The following PKD2 variants were observed in gnomAD, a reference collection of about 807,000 sequenced individuals.
PKD2 encodes polycystin 2, transient receptor potential cation channel.
PKD2 carries 48 observed loss-of-function variants against 105.9 expected under a neutral mutation model. The observed-to-expected ratio is 0.45, with a 90% CI of 0.36 to 0.58. PKD2 has a LOEUF of 0.58. Ranked by LOEUF, PKD2 falls within the 20% of genes least tolerant of loss-of-function variation. PKD2 has a pLI of 0.00. For missense variants in PKD2, 1,078 were observed against 1,255.3 expected, an observed-to-expected ratio of 0.86 and a Z score of 2.13; for synonymous variants, 464 against 481.1, an observed-to-expected ratio of 0.96 and a Z score of 0.46.
At chr4:88,057,509 C>G (rs1375944666) in intron 8 of PKD2, among the ~76,000 whole-genome samples, 7 of 148,248 alleles carry the variant, frequency 4.7e-5, no homozygotes, top group Non-Finnish European at 1.5e-5. Context: ...AATCTCAGCT[C>G]ACTGCAACCT....
chr4:88,075,856 C>G lies in PKD2; in HGVS notation c.*162C>G, dbSNP rs1456050782. 1.5e-6 allele frequency: 1 copy of G among 684,868 alleles called. No homozygotes were observed. Among genetic ancestry groups the G allele is most frequent in the Admixed American group, 2.3e-5 (1 of 43,124 alleles). 42.4% of individuals were successfully genotyped at this position (684,868 alleles called of 1,614,324 possible). ...TTAATTTATTTTATATAAACTTTAC[C>G]CATGGTTCAAAGATTTTTTTTTCTT... is the stretch of plus-strand genomic sequence containing the variant. On this transcript the variant is annotated 3_prime_UTR_variant, in exon 15 of 15. Coordinates refer to ENST00000237596, the MANE Select transcript of PKD2 (RefSeq NM_000297.4).
At chr4:88,016,155 C>G (rs1726552328) in intron 1 of PKD2, among the ~76,000 whole-genome samples, 1 of 152,202 alleles carries the variant, frequency 6.6e-6, no homozygotes, top group African/African-American at 2.4e-5. Flanking sequence ...GCCTGCGGCT[C>G]ACCTCCTGCT....
chr4:88,038,081 C>T (rs542252617), intron 3 of PKD2, among the ~76,000 whole-genome samples, 170 bp from the exon 4 acceptor site: 241 of 152,298 alleles, frequency 1.6e-3, no homozygotes, highest in African/African-American at 5.5e-3. Flanking sequence ...TCATAGCTAA[C>T]AAATGATGGG....
At chr4:88,048,430 G>T (rs1357127392) in intron 6 of PKD2, among the ~76,000 whole-genome samples, 1 of 152,010 alleles carries the variant, frequency 6.6e-6, no homozygotes, top group Non-Finnish European at 1.5e-5. Flanking sequence ...GCATAAAAAA[G>T]AACTACATGG....
intron 1 of PKD2, among the ~76,000 whole-genome samples, chr4:88,016,533 T>C (rs975947376): frequency 1.3e-5 from 2 of 152,212 alleles, no homozygotes; most frequent in African/African-American, 4.8e-5. Context: ...TAGATGCAAC[T>C]ATTTCTCACC....
Position 88,065,816 on chromosome 4 carries a change from T to A in PKD2, c.2295T>A (p.Asp765Glu). Residue 765 changes from aspartate (D) to glutamate (E), a missense_variant, in exon 12 of 15, where the codon GAT becomes GAA. Around this residue, in one of 2 missense-constraint regions of PKD2, gnomAD observed 868 missense variants for 1,067.3 expected, o/e 0.81. Transcript: ENST00000237596. ...CAATATTCACAAAGTACGACCAAGA[T>A]GGAGACCAAGAACTGACCGAACATG... is the stretch of plus-strand genomic sequence containing the variant. The part of the protein sequence containing the change: ...IEAIFTKYDQ[D>E]GDQELTEHEH... 6.2e-7 allele frequency: 1 copy of A among 1,613,872 alleles called. No individual in the cohort carries two copies. Among genetic ancestry groups the A allele is most frequent in the Non-Finnish European group, 8.5e-7 (1 of 1,179,786 alleles).
intron 5 of PKD2, 125 bp from the exon 6 acceptor site, chr4:88,046,517 T>TA: frequency 1.4e-6 from 1 of 726,618 alleles, no homozygotes; most frequent in South Asian, 1.4e-5. Context: ...GCCGCTAGTT[T>TA]GGGGGGACTC....
chr4:88,017,062 G>T (rs540666676), intron 1 of PKD2, among the ~76,000 whole-genome samples: 1 of 151,566 alleles, frequency 6.6e-6, no homozygotes, highest in Non-Finnish European at 1.5e-5. Context: ...GCAGTGGCAT[G>T]CCTGTAATCC....
At chr4:88,062,139 A>G (rs1720599166) in intron 10 of PKD2, 135 bp downstream of exon 10, 2 of 619,332 alleles carry the variant, frequency 3.2e-6, no homozygotes, top group Non-Finnish European at 3.0e-6. Context: ...TTTCAGGAAT[A>G]ATTTAAATGT....
At chr4:88,054,201 C>T (rs941582361) in intron 7 of PKD2, among the ~76,000 whole-genome samples, 20 of 151,532 alleles carry the variant, frequency 1.3e-4, no homozygotes, top group African/African-American at 4.9e-4. Flanking sequence ...TGAGACCAGC[C>T]TGGCCAACAT....
rs1727321244 is a variant in PKD2 at position 88,036,129 on chromosome 4, T to C, written c.710-91T>C. ...TGTGTGAATTTGTCCAAAATGTTTA[T>C]CCACAGGAACAATCCCTTTGTGAAG... On this transcript the variant is annotated intron_variant, in intron 2 of 14. Transcript: ENST00000237596. The C allele has an allele frequency of 6.2e-6, 10 of 1,609,162 alleles. 1 individual carries two copies. The Middle Eastern group carries it at 1.2e-3, about 192-fold the overall frequency.
intron 1 of PKD2, 114 bp from the exon 2 acceptor site, chr4:88,019,340 AAAGG>A: frequency 1.5e-6 from 1 of 651,578 alleles, no homozygotes; most frequent in South Asian, 1.8e-5. Flanking sequence ...AAAAAAAAAA[AAAGG>A]AGAATCTCCC....
chr4:88,028,444 T>A (rs1727033320), intron 2 of PKD2, among the ~76,000 whole-genome samples: 1 of 152,246 alleles, frequency 6.6e-6, no homozygotes, highest in African/African-American at 2.4e-5. Flanking sequence ...TTGCAATCCA[T>A]GAGAAGTAAC....
At chr4:88,012,696 T>A (rs1263419267) in intron 1 of PKD2, among the ~76,000 whole-genome samples, 1 of 152,084 alleles carries the variant, frequency 6.6e-6, no homozygotes, top group Admixed American at 6.5e-5. Context: ...AAACAGAAAC[T>A]CTGTACTCAT....
chr4:88,044,652 G>C (rs56327807), intron 5 of PKD2, among the ~76,000 whole-genome samples: 29 of 152,156 alleles, frequency 1.9e-4, no homozygotes, highest in East Asian at 1.7e-3. Context: ...ATTCATTTAT[G>C]TTTCATAAAT....
Position 88,075,402 on chromosome 4 carries a change from T to G in PKD2, c.2671-56T>G, listed in dbSNP as rs978701265. The G allele has an allele frequency of 4.0e-6, 5 of 1,244,034 alleles. No homozygotes were observed. The African/African-American group carries it at 5.9e-5, about 15-fold the overall frequency. 77.1% of individuals were successfully genotyped at this position (1,244,034 alleles called of 1,614,324 possible). ...ACTACAGATTATTTGGTCCCTGGAC[T>G]TCCTAAGGCATTTCCTTCTACTGCC... On this transcript the variant is annotated intron_variant, in intron 14 of 14. Coordinates refer to ENST00000237596, the MANE Select transcript of PKD2 (RefSeq NM_000297.4).
intron 13 of PKD2, among the ~76,000 whole-genome samples, chr4:88,073,103 C>T (rs1721095963): frequency 6.8e-6 from 1 of 147,066 alleles, no homozygotes; most frequent in Non-Finnish European, 1.5e-5. Flanking sequence ...GTAATCCTAG[C>T]ACTATGGGAG....
At chr4:88,042,951 A>G (rs1441565529) in intron 4 of PKD2, among the ~76,000 whole-genome samples, 2 of 152,204 alleles carry the variant, frequency 1.3e-5, no homozygotes, top group African/African-American at 4.8e-5. Context: ...AGAGCAGAGC[A>G]GAGGCTCTAG....
intron 3 of PKD2, among the ~76,000 whole-genome samples, chr4:88,036,723 C>T (rs1219433089): frequency 1.3e-5 from 2 of 152,150 alleles, no homozygotes; most frequent in Non-Finnish European, 2.9e-5. Flanking sequence ...TTTTTTCTAG[C>T]CTGACAGCTA....
Sources: gnomAD v4.1 joint callset for allele counts (sites outside exome capture counted in the v4.1 genomes callset) on GRCh38, gnomAD v4.1.1 for gene constraint, gnomAD v4.1.1 regional missense constraint, MANE v1.5 for transcripts, NCBI Gene and HGNC (gene_info 2026-07-23, HGNC 2026-07-21) for gene names.